CPS1: variants seen among roughly 807,000 people sequenced by gnomAD.
CPS1 encodes the protein carbamoyl-phosphate synthase [ammonia], mitochondrial.
In CPS1, 109 loss-of-function variants were observed where a neutral mutation model predicts 174.6. That is an observed-to-expected ratio of 0.62 (90% CI 0.53 to 0.73). The LOEUF is 0.73. Among genes scored for constraint, CPS1 ranks in the 30% least tolerant of loss-of-function variants. CPS1 has a pLI of 0.00. For missense variants in CPS1, 1,689 were observed against 1,821.9 expected, an observed-to-expected ratio of 0.93 and a Z score of 1.33; for synonymous variants, 637 against 632.0, an observed-to-expected ratio of 1.01 and a Z score of -0.12.
At chr2:210,608,845 A>G (rs186892119) in intron 19 of CPS1, among the ~76,000 whole-genome samples, 2 of 151,998 alleles carry the variant, frequency 1.3e-5, no homozygotes, top group Non-Finnish European at 2.9e-5. Context: ...ATAGATACAC[A>G]TATGAAAACA....
At chr2:210,577,300 T>C (rs1697745821) in intron 3 of CPS1, 121 bp from the exon 4 acceptor site, 7 of 793,834 alleles carry the variant, frequency 8.8e-6, no homozygotes, top group Non-Finnish European at 1.5e-5. Flanking sequence ...CTCTTGTTTT[T>C]AAAAATCCTA....
intron 1 of CPS1, among the ~76,000 whole-genome samples, chr2:210,557,593 C>A (rs993953548): frequency 6.6e-6 from 1 of 152,116 alleles, no homozygotes; most frequent in African/African-American, 2.4e-5. Flanking sequence ...CTTCCTGCAA[C>A]TTTATGAAGA....
At chr2:210,626,676 G>A (rs1699708612) in intron 21 of CPS1, among the ~76,000 whole-genome samples, 1 of 152,234 alleles carries the variant, frequency 6.6e-6, no homozygotes, top group South Asian at 2.1e-4. Flanking sequence ...ACCAGTGTTT[G>A]TGTATTCTTG....
chr2:210,499,820 C>T (rs1266627767), intron 1 of CPS1, among the ~76,000 whole-genome samples: 1 of 152,084 alleles, frequency 6.6e-6, no homozygotes, highest in Non-Finnish European at 1.5e-5. Context: ...CAGCCAGATG[C>T]CATCATGAGG....
chr2:210,522,038 C>T (rs1695840335), intron 1 of CPS1, among the ~76,000 whole-genome samples: 1 of 151,946 alleles, frequency 6.6e-6, no homozygotes, highest in Non-Finnish European at 1.5e-5. Flanking sequence ...ACTATTGAAG[C>T]AAGGCTCTTC....
In CPS1 at chr2:210,675,787, A is replaced by G; in HGVS notation, c.4221A>G (p.Pro1407=). 1 of 1,605,612 alleles carries G rather than the reference A, an allele frequency of 6.2e-7. No individual in the cohort carries two copies. Among genetic ancestry groups the G allele is most frequent in the South Asian group, 1.1e-5 (1 of 90,922 alleles). ...ACGCCAACAATGTCCCTGCCACCCC[A>G]GTGGCATGGCCGTCTCAAGAAGGAC... ...WLNANNVPAT[P]VAWPSQEGQN... The change falls in exon 36 of 38, where the codon CCA becomes CCG. Residue 1407 remains proline (P), a synonymous_variant. Coordinates refer to ENST00000233072, the MANE Select transcript of CPS1 (RefSeq NM_001875.5).
chr2:210,574,312 A>T (rs1697614273), intron 2 of CPS1, among the ~76,000 whole-genome samples: 1 of 152,070 alleles, frequency 6.6e-6, no homozygotes, highest in Non-Finnish European at 1.5e-5. Context: ...TATTCTATGA[A>T]ATATTTGATA....
chr2:210,624,080 T>C (rs1004431363), intron 21 of CPS1, among the ~76,000 whole-genome samples: 2 of 152,158 alleles, frequency 1.3e-5, no homozygotes, highest in African/African-American at 4.8e-5. Flanking sequence ...GATACTTTAC[T>C]ATGACATGTT....
At chr2:210,665,496 C>T (rs372689457) in intron 33 of CPS1, among the ~76,000 whole-genome samples, 60 of 142,386 alleles carry the variant, frequency 4.2e-4, no homozygotes, top group South Asian at 3.8e-3. Context: ...CCACAACAGT[C>T]CCCAGAGTGT....
At chr2:210,618,597 T>C (rs561384559) in intron 21 of CPS1, 2 of 152,210 alleles carry the variant, frequency 1.3e-5, no homozygotes, top group African/African-American at 2.4e-5. Flanking sequence ...TTTAGCGGTA[T>C]TAGATAAATA....
intron 13 of CPS1, among the ~76,000 whole-genome samples, chr2:210,598,831 C>T (rs903668854): frequency 1.3e-5 from 2 of 151,794 alleles, no homozygotes; most frequent in African/African-American, 4.8e-5. Context: ...CAAAGATATT[C>T]AGGACCTAAA....
At chr2:210,583,036 G>C (rs1350998733) in intron 6 of CPS1, among the ~76,000 whole-genome samples, 2 of 152,102 alleles carry the variant, frequency 1.3e-5, no homozygotes, top group East Asian at 3.9e-4. Context: ...GATAGGTCCA[G>C]TGATGATGAG....
In CPS1 at chr2:210,648,094, A is replaced by G. The variant is rs545836181; in HGVS notation, c.3336+37A>G. On this transcript the variant is annotated intron_variant, in intron 26 of 37. Coordinates refer to ENST00000233072, the MANE Select transcript of CPS1 (RefSeq NM_001875.5). ...AACAAGTATCTGTTTCTAATGTTCT[A>G]TTTTGAAGAGCTGCAACCTGAATGT... is the stretch of plus-strand genomic sequence containing the variant. 74 of 1,600,982 alleles carry G rather than the reference A, an allele frequency of 4.6e-5. No individual in the cohort carries two copies. In the South Asian group the frequency reaches 5.2e-4, roughly 11 times the overall value.
chr2:210,655,761 T>C (rs1700684391), intron 29 of CPS1, among the ~76,000 whole-genome samples: 1 of 152,214 alleles, frequency 6.6e-6, no homozygotes, highest in African/African-American at 2.4e-5. Context: ...GTCACTGTTT[T>C]AAGACGTTGC....
intron 9 of CPS1, among the ~76,000 whole-genome samples, chr2:210,591,579 C>G (rs568439614): frequency 6.6e-6 from 1 of 152,080 alleles, no homozygotes; most frequent in African/African-American, 2.4e-5. Flanking sequence ...GCAATGCCCC[C>G]CTTTCTAAAA....
In CPS1 at chr2:210,663,195, G is replaced by A; in HGVS notation, c.4000G>A (p.Glu1334Lys). The A allele has an allele frequency of 6.2e-7, 1 of 1,612,752 alleles. No homozygotes were observed. The highest frequency in any genetic ancestry group is 1.1e-5 in the South Asian group (1 of 91,048). ...GAGATGTGAGATGGCTTCCACTGGAGAGGTAACTAGTTAATAATCCATGGA... is the reference window on the plus strand; with the variant it reads ...GAGATGTGAGATGGCTTCCACTGGAAAGGTAACTAGTTAATAATCCATGGA... ...ILRCEMASTG[E>K]VACFGEGIHT... Residue 1334 changes from glutamate (E) to lysine (K), a missense_variant and splice_region_variant, in exon 33 of 38, where the codon GAG (glutamate) becomes AAG (lysine). Physicochemically the swap from Glu to Lys is moderately conservative, Grantham distance 56 (BLOSUM62 1). Coordinates refer to ENST00000233072, the MANE Select transcript of CPS1 (RefSeq NM_001875.5).
intron 1 of CPS1, among the ~76,000 whole-genome samples, chr2:210,480,697 C>G (rs1694543772): frequency 6.6e-6 from 1 of 152,160 alleles, no homozygotes; most frequent in Non-Finnish European, 1.5e-5. Flanking sequence ...CAAAATCAAG[C>G]AAATGGTTTT....
intron 1 of CPS1, among the ~76,000 whole-genome samples, chr2:210,536,392 C>T (rs184916630): frequency 0.052 from 7,659 of 147,922 alleles, 290 homozygotes; most frequent in Non-Finnish European, 0.078. Context: ...GTGATCTCGG[C>T]TCACTGCAAG....
At chr2:210,597,309 C>T (rs1318136441) in intron 13 of CPS1, among the ~76,000 whole-genome samples, 2 of 151,732 alleles carry the variant, frequency 1.3e-5, no homozygotes, top group East Asian at 1.9e-4. Flanking sequence ...AGAGATGACT[C>T]GTATTGAGGA....
Sources: gnomAD v4.1 joint callset for allele counts (sites outside exome capture counted in the v4.1 genomes callset) on GRCh38, gnomAD v4.1.1 for gene constraint, MANE v1.5 for transcripts, NCBI Gene and HGNC (gene_info 2026-07-23, HGNC 2026-07-21) for gene names.